The following HS2ST1 variants were observed in gnomAD, a reference collection of about 807,000 sequenced individuals.
HS2ST1 encodes 2-O-sulfotransferase.
Under a neutral mutation model 42.9 loss-of-function variants are expected in HS2ST1, and 18 were observed. The ratio of observed to expected loss-of-function variants is 0.42; its 90% CI spans 0.29 to 0.62. HS2ST1 has a LOEUF of 0.62. Ranked by LOEUF, HS2ST1 falls within the 20% of genes least tolerant of loss-of-function variation. The probability of loss-of-function intolerance (pLI) is 0.21; values close to 1 mark genes in which losing one functional copy is unlikely to be tolerated. For missense variants in HS2ST1, 334 were observed against 433.8 expected (o/e 0.77, Z 2.04); for synonymous variants, 146 against 152.9 (o/e 0.95, Z 0.33).
At chr1:86,953,625 T>A (rs1377203627) in intron 1 of HS2ST1, among the ~76,000 whole-genome samples, 1 of 151,962 alleles carries the variant, frequency 6.6e-6, no homozygotes, top group Non-Finnish European at 1.5e-5. Flanking sequence ...CTGGGCATGG[T>A]GGTGGGTGCC....
intron 1 of HS2ST1, among the ~76,000 whole-genome samples, chr1:87,005,206 G>A (rs943496771): frequency 1.3e-5 from 2 of 152,090 alleles, no homozygotes; most frequent in South Asian, 2.1e-4. Flanking sequence ...TTTTGCCCAC[G>A]CAGAGGCAGA....
At chr1:87,030,814 G>A (rs1010374889) in intron 1 of HS2ST1, among the ~76,000 whole-genome samples, 1 of 152,190 alleles carries the variant, frequency 6.6e-6, no homozygotes, top group Non-Finnish European at 1.5e-5. Context: ...GAGTAGGACT[G>A]TAAGAATTTT....
chr1:86,936,181 A>G (rs1198067476), intron 1 of HS2ST1, among the ~76,000 whole-genome samples: 1 of 151,904 alleles, frequency 6.6e-6, no homozygotes, highest in Non-Finnish European at 1.5e-5. Context: ...TTAAATTCTG[A>G]GTTTTTAGTT....
intron 1 of HS2ST1, among the ~76,000 whole-genome samples, chr1:87,010,960 A>G (rs1240380953): frequency 2.0e-5 from 3 of 151,804 alleles, no homozygotes; most frequent in East Asian, 3.9e-4. Flanking sequence ...TAACTTTTGT[A>G]TTTTTAGTAG....
intron 4 of HS2ST1, among the ~76,000 whole-genome samples, chr1:87,097,378 A>ATTTTGTTTTG (rs901512834): frequency 3.3e-5 from 5 of 151,988 alleles, no homozygotes; most frequent in Non-Finnish European, 7.4e-5. Flanking sequence ...GCAGTATGTG[A>ATTTTGTTTTG]TTTTGTTTTG....
chr1:87,069,528 AAGAT>A (rs1651348328), intron 1 of HS2ST1, among the ~76,000 whole-genome samples: 1 of 152,128 alleles, frequency 6.6e-6, no homozygotes, highest in Non-Finnish European at 1.5e-5. Flanking sequence ...CCACAGAAGA[AAGAT>A]AGTAATTTAT....
intron 1 of HS2ST1, among the ~76,000 whole-genome samples, chr1:87,014,081 C>T (rs563320933): frequency 3.9e-5 from 6 of 152,302 alleles, no homozygotes; most frequent in East Asian, 1.9e-4. Context: ...GCCTATTACC[C>T]ACTTTCAAAG....
chr1:86,976,704 G>GTGTATATATATATATATA (rs1553134337), intron 1 of HS2ST1, among the ~76,000 whole-genome samples: 17 of 79,702 alleles, frequency 2.1e-4, no homozygotes, highest in South Asian at 6.0e-4. Flanking sequence ...TTATAAAATT[G>GTGTATATATATATATATA]TATATATATA....
chr1:87,006,308 AT>A (rs745328082), intron 1 of HS2ST1, among the ~76,000 whole-genome samples: 45 of 152,296 alleles, frequency 3.0e-4, no homozygotes, highest in Non-Finnish European at 5.4e-4. Flanking sequence ...AAAAGAAGAC[AT>A]TTAGTAATGC....
At position 87,104,970 on chromosome 1, in the gene HS2ST1, G is replaced by T; in HGVS notation, c.*274G>T. ...TATACATCACCTAAAATGAACTTAT[G>T]GCAGGTCTAATCAAAAGGCTAAATA... is the stretch of plus-strand genomic sequence containing the variant. On this transcript the variant is annotated 3_prime_UTR_variant, in exon 7 of 7. Transcript: ENST00000370550. The T allele has an allele frequency of 2.9e-6, 1 of 340,486 alleles. No individual in the cohort carries two copies. Among genetic ancestry groups the T allele is most frequent in the Non-Finnish European group, 5.4e-6 (1 of 186,366 alleles). 21.1% of individuals were successfully genotyped at this position (340,486 alleles called of 1,614,324 possible).
intron 1 of HS2ST1, 49 bp downstream of exon 1, chr1:86,915,209 A>G (rs1326020797): frequency 1.3e-6 from 2 of 1,559,698 alleles, no homozygotes; most frequent in Non-Finnish European, 8.7e-7. Context: ...GGGGCCGAGG[A>G]GGCGCTGCCG....
At chr1:86,993,011 T>TA in intron 1 of HS2ST1, 1 of 1,511,596 alleles carries the variant, frequency 6.6e-7, no homozygotes, top group South Asian at 1.2e-5. Context: ...CCTCCCAGTG[T>TA]GGGGAGGGTA....
chr1:87,015,229 A>C (rs2100582095), intron 1 of HS2ST1, among the ~76,000 whole-genome samples: 1 of 152,002 alleles, frequency 6.6e-6, no homozygotes, highest in African/African-American at 2.4e-5. Flanking sequence ...TTATATTTTT[A>C]ATAGAGACGG....
intron 1 of HS2ST1, chr1:87,046,017 G>A (rs1650650408): frequency 2.9e-6 from 2 of 683,820 alleles, no homozygotes; most frequent in Non-Finnish European, 5.5e-6. Context: ...GGTTGCCAGG[G>A]AAAGTGCACT....
At chr1:86,949,165 A>G (rs759645353) in intron 1 of HS2ST1, among the ~76,000 whole-genome samples, 3 of 152,134 alleles carry the variant, frequency 2.0e-5, no homozygotes, top group East Asian at 3.9e-4. Context: ...CCGGAGTGCA[A>G]TGCTGTGATC....
rs140603975 is a variant in HS2ST1 at position 86,999,078 on chromosome 1, G to A, written c.125-73856G>A. Reference sequence around the variant, plus strand: ...GAAAGAGCCCTGTGTTTTAGAAAATGTATACCACAGCATGAAAGATCAAGG... The same window carrying A: ...GAAAGAGCCCTGTGTTTTAGAAAATATATACCACAGCATGAAAGATCAAGG... On this transcript the variant is annotated intron_variant, in intron 1 of 6. Coordinates refer to ENST00000370550, the MANE Select transcript of HS2ST1 (RefSeq NM_012262.4). Among the ~76,000 whole-genome samples the A allele has an allele frequency of 3.8e-4, 58 of 152,090 alleles. No homozygotes were observed. The East Asian group carries it at 8.5e-3, about 22-fold the overall frequency.
intron 1 of HS2ST1, among the ~76,000 whole-genome samples, chr1:86,949,808 A>G (rs1450431225): frequency 6.6e-6 from 1 of 152,158 alleles, no homozygotes; most frequent in Non-Finnish European, 1.5e-5. Flanking sequence ...TTTACCCCCA[A>G]TAATTAGACT....
chr1:86,925,158 A>G (rs1014923892), intron 1 of HS2ST1, among the ~76,000 whole-genome samples: 1 of 152,170 alleles, frequency 6.6e-6, no homozygotes, highest in Admixed American at 6.5e-5. Flanking sequence ...CTAAAACATA[A>G]CAAGAGCCAC....
intron 1 of HS2ST1, among the ~76,000 whole-genome samples, chr1:86,979,166 A>T (rs1648510036): frequency 6.6e-6 from 1 of 152,024 alleles, no homozygotes; most frequent in Non-Finnish European, 1.5e-5. Context: ...GTGAATCTTT[A>T]TTCTTATTTG....
Sources: gnomAD v4.1 joint callset for allele counts (sites outside exome capture counted in the v4.1 genomes callset) on GRCh38, gnomAD v4.1.1 for gene constraint, MANE v1.5 for transcripts, NCBI Gene and HGNC (gene_info 2026-07-23, HGNC 2026-07-21) for gene names.